The following AMZ1 variants were observed in gnomAD, a reference collection of about 807,000 sequenced individuals.
AMZ1 encodes the protein archaelysin family metallopeptidase 1.
Under a neutral mutation model 29.9 loss-of-function variants are expected in AMZ1, and 39 were observed. The observed-to-expected ratio is 1.30, with a 90% confidence interval of 1.01 to 1.70. AMZ1 has a LOEUF of 1.70. Ranked by LOEUF, AMZ1 falls within the 40% of genes most tolerant of loss-of-function variation. The pLI is 0.00. For missense variants in AMZ1, 1,041 were observed against 680.6 expected, an observed-to-expected ratio of 1.53 and a Z score of -5.89; for synonymous variants, 458 against 304.0, an observed-to-expected ratio of 1.51 and a Z score of -5.27.
At chr7:2,761,176 C>A (rs976654987), upstream of AMZ1, among the ~76,000 whole-genome samples, 1 of 152,234 alleles carries the variant, frequency 6.6e-6, no homozygotes, top group Non-Finnish European at 1.5e-5. Context: ...CACCGAGCCA[C>A]CGTGCACGGC....
chr7:2,703,114 C>T (rs991238115), intron 3 of AMZ1, among the ~76,000 whole-genome samples: 4 of 152,174 alleles, frequency 2.6e-5, no homozygotes, highest in African/African-American at 9.7e-5. Context: ...AGGAAAACGC[C>T]AGAGCATGCA....
chr7:2,697,582 C>A (rs959182500), intron 1 of AMZ1, among the ~76,000 whole-genome samples: 1 of 151,926 alleles, frequency 6.6e-6, no homozygotes, highest in Non-Finnish European at 1.5e-5. Context: ...CGTCACCATG[C>A]CCGGCTAATT....
chr7:2,712,276 T>G, intron 6 of AMZ1, 54 bp from the exon 7 acceptor site: 2 of 1,492,630 alleles, frequency 1.3e-6, no homozygotes, highest in South Asian at 1.4e-5. Flanking sequence ...GGCAGTTCCC[T>G]GGCTAGACAA....
intron 4 of AMZ1, among the ~76,000 whole-genome samples, chr7:2,749,964 A>G (rs761267332): frequency 2.6e-5 from 4 of 152,236 alleles, no homozygotes; most frequent in African/African-American, 4.8e-5. Flanking sequence ...AAGAGAACAA[A>G]GAGAGTGGGG....
At chr7:2,705,856 G>A (rs1287260560) in intron 3 of AMZ1, among the ~76,000 whole-genome samples, 4 of 152,204 alleles carry the variant, frequency 2.6e-5, no homozygotes, top group Non-Finnish European at 4.4e-5. Flanking sequence ...CGGGGACCCC[G>A]TGCCTCTCAG....
chr7:2,709,027 G>C (rs746201767), intron 4 of AMZ1, 48 bp from the exon 5 acceptor site: 1 of 1,522,356 alleles, frequency 6.6e-7, no homozygotes, highest in South Asian at 1.3e-5. Flanking sequence ...GGGCCCCCCA[G>C]AGCCAAGGCT....
rs969377617 is a variant in AMZ1 at position 2,702,566 on chromosome 7, C to A, written c.305-156C>A. 11 of 802,358 alleles carry A rather than the reference C, an allele frequency of 1.4e-5. No individual in the cohort carries two copies. The African/African-American group carries it at 1.9e-4, about 14-fold the overall frequency. 49.7% of individuals were successfully genotyped at this position (802,358 alleles called of 1,614,324 possible). ...TGCCCTTTTGAAAAAGTCATGCTTT[C>A]CATCCCTTTTCTAAGCCTGACGCTC... On this transcript the variant is annotated intron_variant, in intron 2 of 6. Transcript: ENST00000683327.
chr7:2,693,784 T>C (rs1787546843), intron 1 of AMZ1, among the ~76,000 whole-genome samples: 1 of 152,204 alleles, frequency 6.6e-6, no homozygotes, highest in South Asian at 2.1e-4. Context: ...CTTGATCTCC[T>C]GACCTCCTGA....
intron 4 of AMZ1, among the ~76,000 whole-genome samples, chr7:2,754,949 T>C (rs1294999935): frequency 1.3e-5 from 2 of 152,190 alleles, no homozygotes; most frequent in African/African-American, 2.4e-5. Flanking sequence ...GTAACTCAGT[T>C]TGAATTAATT....
intron 4 of AMZ1, among the ~76,000 whole-genome samples, chr7:2,741,696 C>G (rs1212123149): frequency 2.0e-5 from 3 of 152,038 alleles, no homozygotes; most frequent in Non-Finnish European, 4.4e-5. Flanking sequence ...TCTTTCAATA[C>G]ACAGACTTTT....
At position 2,714,786 on chromosome 7, in the gene AMZ1, C is replaced by G. The variant is rs372698029; in HGVS notation, c.*1908C>G. The G allele has an allele frequency of 6.6e-6, 1 of 152,294 alleles. No homozygotes were observed. Among genetic ancestry groups the G allele is most frequent in the African/African-American group, 2.4e-5 (1 of 41,456 alleles). 9.4% of individuals were successfully genotyped at this position (152,294 alleles called of 1,614,324 possible). A position where few individuals can be genotyped will look rare whatever the true frequency, so the allele number is the denominator to read the frequency against. On this transcript the variant is annotated 3_prime_UTR_variant, in exon 7 of 7. Coordinates refer to ENST00000683327, the MANE Select transcript of AMZ1 (RefSeq NM_001384743.1). ...GGCCTTGGTTCCTGCCCACGTGAGACTCTCCATGGAGGAGGGGCATCTTCT... is the reference window on the plus strand; with the variant it reads ...GGCCTTGGTTCCTGCCCACGTGAGAGTCTCCATGGAGGAGGGGCATCTTCT...
At chr7:2,703,300 C>T (rs773921489) in intron 3 of AMZ1, among the ~76,000 whole-genome samples, 19 of 152,176 alleles carry the variant, frequency 1.2e-4, no homozygotes, top group Middle Eastern at 3.4e-3. Flanking sequence ...CCCACCACAC[C>T]CGGCTAATTT....
chr7:2,748,156 C>G (rs1454122877), intron 4 of AMZ1, among the ~76,000 whole-genome samples: 1 of 150,770 alleles, frequency 6.6e-6, no homozygotes, highest in Non-Finnish European at 1.5e-5. Context: ...TTGGAAAAAA[C>G]TACTTTAAAG....
intron 4 of AMZ1, among the ~76,000 whole-genome samples, chr7:2,732,256 TTAA>T (rs1356054459): frequency 1.3e-5 from 2 of 152,194 alleles, no homozygotes; most frequent in African/African-American, 2.4e-5. Flanking sequence ...CTTTGCACTA[TTAA>T]TAATCCTCCA....
chr7:2,730,974 C>T, intron 4 of AMZ1: 1 of 536,334 alleles, frequency 1.9e-6, no homozygotes, highest in Non-Finnish European at 3.3e-6. Flanking sequence ...TCACTCGCCC[C>T]CAGGATTCAG....
At chr7:2,707,912 C>T (rs1217936538) in intron 3 of AMZ1, among the ~76,000 whole-genome samples, 1 of 143,902 alleles carries the variant, frequency 6.9e-6, no homozygotes. Flanking sequence ...CCACCTCTAC[C>T]TCCTGGGTTC....
Position 2,712,832 on chromosome 7 carries a change from CCAGAG to C in AMZ1, c.1457_1461del (p.Ala486ValfsTer60). On this transcript the variant is annotated frameshift_variant, in exon 7 of 7. Transcript: ENST00000683327. LOFTEE classifies it low-confidence loss of function (END_TRUNC). The stretch of plus-strand genomic sequence containing the variant: ...AGGAAGCTGAGTGCCCGAAAACTCG[CCAGAG>C]CAGAGTCGGCCCCCCGTCCCTGGGA... 6.5e-7 allele frequency: 1 copy of C among 1,534,396 alleles called. No individual in the cohort carries two copies. Among genetic ancestry groups the C allele is most frequent in the Non-Finnish European group, 8.8e-7 (1 of 1,139,420 alleles).
At chr7:2,696,442 A>G (rs1322246762) in intron 1 of AMZ1, among the ~76,000 whole-genome samples, 2 of 150,472 alleles carry the variant, frequency 1.3e-5, no homozygotes, top group Non-Finnish European at 3.0e-5. Flanking sequence ...TATTTTTAGT[A>G]GAGACGGGGT....
In AMZ1 at chr7:2,712,551, C is replaced by T. The variant is rs1198181859; in HGVS notation, c.1170C>T (p.Ala390=). ...AGGAAGGGCTGAGCTACCTGGCAGC[C>T]TCAGAGGCTCCGCTGCCACCTGGGG... is the stretch of plus-strand genomic sequence containing the variant. ...GPEEGLSYLA[A]SEAPLPPGGP... The change falls in exon 7 of 7, where the codon GCC becomes GCT. Residue 390 remains alanine, a synonymous_variant. Transcript: ENST00000683327. The T allele has an allele frequency of 5.6e-6, 9 of 1,609,814 alleles. No individual in the cohort carries two copies. The highest frequency in any genetic ancestry group is 3.3e-4 in the Middle Eastern group (2 of 6,048).
Sources: allele counts gnomAD v4.1 joint callset (sites outside exome capture counted in the v4.1 genomes callset), GRCh38; gene constraint gnomAD v4.1.1; transcripts MANE v1.5; gene names NCBI Gene and HGNC (gene_info 2026-07-23, HGNC 2026-07-21).